Variants in CYTH3 observed in about 807,000 individuals in gnomAD.
The protein encoded by CYTH3 is cytohesin-3.
In CYTH3, 23 loss-of-function variants were observed where a neutral mutation model predicts 55.1. That is an observed-to-expected ratio of 0.42 (90% CI 0.30 to 0.59). CYTH3 has a LOEUF of 0.59. Among genes scored for constraint, CYTH3 ranks in the 20% least tolerant of loss-of-function variants. The pLI is 0.20. For missense variants in CYTH3, 413 were observed against 524.8 expected (o/e 0.79, Z 2.08); for synonymous variants, 249 against 194.9 (o/e 1.28, Z -2.31).
chr7:6,272,064 G>A (rs1056793090), intron 1 of CYTH3, among the ~76,000 whole-genome samples: 1 of 152,096 alleles, frequency 6.6e-6, no homozygotes, highest in Non-Finnish European at 1.5e-5. Flanking sequence ...AGCCGCTTCC[G>A]CCCACCTGAG....
intron 1 of CYTH3, among the ~76,000 whole-genome samples, chr7:6,214,183 G>A (rs1239219571): frequency 6.6e-6 from 1 of 152,186 alleles, no homozygotes. Context: ...CGGATAAACG[G>A]CCATGTGATA....
chr7:6,178,003 C>G, intron 4 of CYTH3, 62 bp from the exon 5 acceptor site: 1 of 1,260,092 alleles, frequency 7.9e-7, no homozygotes, highest in East Asian at 2.3e-5. Flanking sequence ...TTTTCAAAGA[C>G]AGAAATACAC....
intron 9 of CYTH3, among the ~76,000 whole-genome samples, chr7:6,168,498 G>A (rs967650439): frequency 2.6e-5 from 4 of 152,022 alleles, no homozygotes; most frequent in Admixed American, 6.5e-5. Context: ...CTTTGGTCTC[G>A]AACTTTGTTT....
intron 1 of CYTH3, among the ~76,000 whole-genome samples, chr7:6,271,893 C>T (rs746900844): frequency 6.6e-6 from 1 of 152,188 alleles, no homozygotes; most frequent in Non-Finnish European, 1.5e-5. Context: ...CTGAACTGAA[C>T]TCCAGCTGGC....
At chr7:6,235,136 C>T (rs942141991) in intron 1 of CYTH3, among the ~76,000 whole-genome samples, 8 of 152,186 alleles carry the variant, frequency 5.3e-5, no homozygotes, top group African/African-American at 1.9e-4. Context: ...TCCTTTAAGG[C>T]TCGATGACCA....
chr7:6,240,823 G>C (rs570122912), intron 1 of CYTH3, among the ~76,000 whole-genome samples: 77 of 151,704 alleles, frequency 5.1e-4, no homozygotes, highest in Middle Eastern at 3.4e-3. Flanking sequence ...TGTGAAAAAA[G>C]AAAAAAAGGA....
chr7:6,271,598 T>C (rs1780659772), intron 1 of CYTH3, among the ~76,000 whole-genome samples: 1 of 152,194 alleles, frequency 6.6e-6, no homozygotes. Context: ...CACGTTCCTC[T>C]GTTTTTAAAA....
intron 12 of CYTH3, 112 bp from the exon 13 acceptor site, chr7:6,165,128 T>C: frequency 6.4e-7 from 1 of 1,565,522 alleles, no homozygotes. Flanking sequence ...GATCTGAACG[T>C]CGGCTTTGGC....
intron 1 of CYTH3, among the ~76,000 whole-genome samples, chr7:6,271,665 AACAC>A (rs1780661124): frequency 1.3e-5 from 2 of 152,188 alleles, no homozygotes; most frequent in Non-Finnish European, 2.9e-5. Context: ...ATTTCCAACA[AACAC>A]GATTCCTCCA....
At chr7:6,272,442 G>A in intron 1 of CYTH3, 32 bp downstream of exon 1, 8 of 1,246,310 alleles carry the variant, frequency 6.4e-6, no homozygotes, top group South Asian at 5.3e-5. Flanking sequence ...ACCCCAGGCC[G>A]CCGGCGAGCC....
chr7:6,241,050 A>T (rs112649137), intron 1 of CYTH3, among the ~76,000 whole-genome samples: 167 of 152,158 alleles, frequency 1.1e-3, no homozygotes, highest in African/African-American at 3.8e-3. Context: ...TGAACCTGGG[A>T]GGCGGAGGTT....
intron 1 of CYTH3, among the ~76,000 whole-genome samples, chr7:6,243,226 C>A (rs949007965): frequency 6.6e-6 from 1 of 152,188 alleles, no homozygotes; most frequent in African/African-American, 2.4e-5. Flanking sequence ...GCGCAAACTG[C>A]CCTTGGTAAG....
intron 2 of CYTH3, among the ~76,000 whole-genome samples, chr7:6,189,937 G>A (rs921625426): frequency 6.6e-6 from 1 of 152,132 alleles, no homozygotes; most frequent in Admixed American, 6.5e-5. Context: ...TCAGGAGACT[G>A]AGGCAGGAGA....
At chr7:6,219,306 G>A (rs894710072) in intron 1 of CYTH3, among the ~76,000 whole-genome samples, 3 of 152,188 alleles carry the variant, frequency 2.0e-5, no homozygotes, top group Non-Finnish European at 2.9e-5. Context: ...AGTGTTAAAG[G>A]TGCAACCTGG....
intron 1 of CYTH3, among the ~76,000 whole-genome samples, chr7:6,229,736 G>A (rs1009064084): frequency 6.6e-6 from 1 of 150,858 alleles, no homozygotes; most frequent in African/African-American, 2.4e-5. Flanking sequence ...AGAGACACTT[G>A]AACCCGGGAG....
At chr7:6,251,282 A>T (rs898907528) in intron 1 of CYTH3, among the ~76,000 whole-genome samples, 2 of 152,176 alleles carry the variant, frequency 1.3e-5, no homozygotes, top group African/African-American at 4.8e-5. Flanking sequence ...TCTCAAAAAA[A>T]ATAAATAAAA....
chr7:6,266,235 G>C (rs1409759559), intron 1 of CYTH3, among the ~76,000 whole-genome samples: 2 of 152,124 alleles, frequency 1.3e-5, no homozygotes, highest in South Asian at 2.1e-4. Context: ...GGCAGTGGTT[G>C]AGAATACGGA....
chr7:6,186,237 C>CT (rs1562885559), intron 4 of CYTH3, among the ~76,000 whole-genome samples: 2 of 124,164 alleles, frequency 1.6e-5, no homozygotes. Context: ...GAGCAAGACT[C>CT]TATCTCAAAA....
At chr7:6,247,194 T>A (rs1022798106) in intron 1 of CYTH3, among the ~76,000 whole-genome samples, 1 of 152,242 alleles carries the variant, frequency 6.6e-6, no homozygotes, top group Non-Finnish European at 1.5e-5. Flanking sequence ...AGTGTGACTA[T>A]TTAATTCTTA....
Sources: allele counts gnomAD v4.1 joint callset (sites outside exome capture counted in the v4.1 genomes callset), GRCh38; gene constraint gnomAD v4.1.1; transcripts MANE v1.5; gene names NCBI Gene and HGNC (gene_info 2026-07-23, HGNC 2026-07-21).